The following KCNN2 variants were observed in gnomAD, a reference collection of about 807,000 sequenced individuals.
KCNN2 encodes the protein potassium calcium-activated channel subfamily N member 2, also known as small conductance calcium-activated potassium channel protein 2.
Under a neutral mutation model 55.5 loss-of-function variants are expected in KCNN2, and 24 were observed. The ratio of observed to expected loss-of-function variants is 0.43; its 90% CI spans 0.31 to 0.61. The LOEUF (loss-of-function observed/expected upper bound fraction) is 0.61. Ranked by LOEUF, KCNN2 falls within the 20% of genes least tolerant of loss-of-function variation. KCNN2 has a pLI of 0.08. For synonymous variants in KCNN2, 431 were observed against 336.1 expected (o/e 1.28, Z -3.09); for missense variants, 754 against 853.6 (o/e 0.88, Z 1.45).
intron 1 of KCNN2, among the ~76,000 whole-genome samples, chr5:114,097,939 A>C (rs1751296575): frequency 6.6e-6 from 1 of 152,146 alleles, no homozygotes. Context: ...AGTTTAAAAC[A>C]ACATGTTTAT....
chr5:114,110,894 G>A (rs904014048), intron 1 of KCNN2, among the ~76,000 whole-genome samples: 14 of 151,722 alleles, frequency 9.2e-5, no homozygotes, highest in African/African-American at 3.1e-4. Context: ...TGTTAGTGCT[G>A]GAATAAAATT....
chr5:114,334,987 G>A (rs1414249311), intron 2 of KCNN2, among the ~76,000 whole-genome samples: 1 of 151,886 alleles, frequency 6.6e-6, no homozygotes, highest in Non-Finnish European at 1.5e-5. Flanking sequence ...GCAGTGTCGC[G>A]ATCTTGGCTC....
intron 2 of KCNN2, among the ~76,000 whole-genome samples, chr5:114,273,104 C>G (rs537340973): frequency 6.6e-6 from 1 of 152,120 alleles, no homozygotes; most frequent in African/African-American, 2.4e-5. Flanking sequence ...TCAACTCCCA[C>G]TTATGAGTGA....
rs144912383 is a variant in KCNN2 at position 114,449,184 on chromosome 5, C to T, written c.1638-13865C>T. On this transcript the variant is annotated intron_variant, in intron 3 of 7. Coordinates refer to ENST00000673685, the MANE Select transcript of KCNN2 (RefSeq NM_021614.4). ...TGCTGTACCCTCACCCTATGTTGCT[C>T]CTGCCTTTCCAAGGGACCTCTGACT... Among the ~76,000 whole-genome samples the T allele has an allele frequency of 2.1e-3, 318 of 152,244 alleles. 1 individual carries two copies. The highest frequency in any genetic ancestry group is 7.2e-3 in the African/African-American group (299 of 41,550).
At chr5:114,119,795 T>C (rs552072919) in intron 1 of KCNN2, among the ~76,000 whole-genome samples, 106 of 152,280 alleles carry the variant, frequency 7.0e-4, no homozygotes, top group African/African-American at 2.2e-3. Flanking sequence ...CCTTCATCAC[T>C]AAGCAAAGTG....
intron 1 of KCNN2, among the ~76,000 whole-genome samples, chr5:114,087,544 C>A (rs1751041915): frequency 6.6e-6 from 1 of 152,060 alleles, no homozygotes; most frequent in Non-Finnish European, 1.5e-5. Context: ...AGTCCTTTCC[C>A]CCCTCTTATT....
At chr5:114,374,194 C>T (rs1757866269) in intron 2 of KCNN2, among the ~76,000 whole-genome samples, 2 of 152,138 alleles carry the variant, frequency 1.3e-5, no homozygotes, top group Admixed American at 1.3e-4. Flanking sequence ...TCAGGCATCA[C>T]AGCTGACTGC....
intron 2 of KCNN2, among the ~76,000 whole-genome samples, chr5:114,338,813 A>G (rs1170966922): frequency 2.6e-5 from 4 of 152,192 alleles, no homozygotes; most frequent in African/African-American, 9.6e-5. Context: ...GACAGCACCT[A>G]TACTAAGGCT....
intron 2 of KCNN2, among the ~76,000 whole-genome samples, chr5:114,248,057 A>G (rs1291186255): frequency 6.6e-6 from 1 of 152,214 alleles, no homozygotes; most frequent in Non-Finnish European, 1.5e-5. Flanking sequence ...GTGAGCAAGA[A>G]TGTTCAACAT....
At position 114,467,297 on chromosome 5, in the gene KCNN2, T is replaced by G. The variant is rs540392025; in HGVS notation, c.1779+4107T>G. On this transcript the variant is annotated intron_variant, in intron 4 of 7. Coordinates refer to ENST00000673685, the MANE Select transcript of KCNN2 (RefSeq NM_021614.4). ...TTATACTCCTCTTCCTGTAACACTCTCTGTTTCCATTTGAGGATTTGTTTT... is the reference window on the plus strand; with the variant it reads ...TTATACTCCTCTTCCTGTAACACTCGCTGTTTCCATTTGAGGATTTGTTTT... Among the ~76,000 whole-genome samples the G allele has an allele frequency of 2.8e-4, 43 of 152,320 alleles. No homozygotes were observed. In the Middle Eastern group the frequency reaches 0.01, roughly 36 times the overall value.
intron 2 of KCNN2, among the ~76,000 whole-genome samples, chr5:114,277,551 C>G (rs1378636516): frequency 6.6e-6 from 1 of 152,142 alleles, no homozygotes; most frequent in Non-Finnish European, 1.5e-5. Flanking sequence ...ACTGTGTTGT[C>G]TCTAATCTTG....
intron 1 of KCNN2, among the ~76,000 whole-genome samples, chr5:114,152,838 A>G (rs1482905179): frequency 6.6e-6 from 1 of 152,126 alleles, no homozygotes; most frequent in Non-Finnish European, 1.5e-5. Context: ...GGGCGGGAGC[A>G]TGGCTAACAT....
intron 1 of KCNN2, among the ~76,000 whole-genome samples, chr5:114,077,333 C>T (rs1480213209): frequency 6.6e-6 from 1 of 152,234 alleles, no homozygotes; most frequent in Non-Finnish European, 1.5e-5. Flanking sequence ...CAAAACCACT[C>T]CAGCGTTACG....
At chr5:114,190,241 G>A (rs528547439) in intron 1 of KCNN2, among the ~76,000 whole-genome samples, 1 of 152,154 alleles carries the variant, frequency 6.6e-6, no homozygotes, top group Non-Finnish European at 1.5e-5. Flanking sequence ...CTTCTAGGTA[G>A]ATACGTTAGA....
At chr5:114,437,214 A>G (rs1157491914) in intron 3 of KCNN2, among the ~76,000 whole-genome samples, 1 of 152,200 alleles carries the variant, frequency 6.6e-6, no homozygotes, top group Non-Finnish European at 1.5e-5. Flanking sequence ...CATTTAAAAC[A>G]TAGTAAATTT....
intron 3 of KCNN2, among the ~76,000 whole-genome samples, chr5:114,406,018 T>A (rs958948064): frequency 2.0e-4 from 30 of 151,950 alleles, no homozygotes; most frequent in African/African-American, 7.0e-4. Context: ...CCGAATATTT[T>A]TTTTTTAAAT....
At chr5:114,306,259 T>A (rs7731333) in intron 2 of KCNN2, among the ~76,000 whole-genome samples, 24,291 of 152,212 alleles carry the variant, frequency 0.16, 3,469 homozygotes, top group East Asian at 0.81. Context: ...TGTTGATCTC[T>A]CCAATAAGGA....
intron 2 of KCNN2, among the ~76,000 whole-genome samples, chr5:114,354,418 A>T (rs1372514561): frequency 6.6e-6 from 1 of 152,076 alleles, no homozygotes; most frequent in Admixed American, 6.6e-5. Flanking sequence ...GCAGAGGATG[A>T]CCTTCTTCCC....
intron 1 of KCNN2, among the ~76,000 whole-genome samples, chr5:114,066,452 G>T (rs1409553805): frequency 6.6e-6 from 1 of 152,220 alleles, no homozygotes; most frequent in Non-Finnish European, 1.5e-5. Flanking sequence ...TTCCCTTGGG[G>T]AAATTAAAAA....
Sources: allele counts gnomAD v4.1 joint callset (sites outside exome capture counted in the v4.1 genomes callset), GRCh38; gene constraint gnomAD v4.1.1; transcripts MANE v1.5; gene names NCBI Gene and HGNC (gene_info 2026-07-23, HGNC 2026-07-21).